RANBP2: variants seen among roughly 807,000 people sequenced by gnomAD.
The protein encoded by RANBP2 is E3 SUMO-protein ligase RanBP2.
In RANBP2, 57 loss-of-function variants were observed where a neutral mutation model predicts 303.6. The ratio of observed to expected loss-of-function variants is 0.19; its 90% CI spans 0.15 to 0.23. RANBP2 has a LOEUF of 0.23. Among genes scored for constraint, RANBP2 ranks in the 10% least tolerant of loss-of-function variants. RANBP2 has a pLI of 1.00. For synonymous variants in RANBP2, 1,167 were observed against 1,301.5 expected (o/e 0.90, Z 2.23); for missense variants, 3,138 against 3,780.8 (o/e 0.83, Z 4.46).
At chr2:108,877,613 T>C in the RANBP2 span, among the ~76,000 whole-genome samples, 371 of 152,088 alleles carry the variant, frequency 2.4e-3, 5 homozygotes, top group African/African-American at 8.6e-3. Flanking sequence ...ATAGTACTCA[T>C]GAGAGTGGAT....
the RANBP2 span, chr2:109,614,102 G>C: frequency 3.3e-6 from 4 of 1,210,336 alleles, no homozygotes; most frequent in Non-Finnish European, 4.1e-6. Context: ...CTGAGCGTCA[G>C]CGTTGGGGCG....
At chr2:108,860,402 TTG>T in the RANBP2 span, among the ~76,000 whole-genome samples, 1 of 152,234 alleles carries the variant, frequency 6.6e-6, no homozygotes, top group East Asian at 1.9e-4. Flanking sequence ...GACATACCTG[TTG>T]TGTTCCAGAT....
chr2:109,076,026 T>C, the RANBP2 span, among the ~76,000 whole-genome samples: 3 of 150,808 alleles, frequency 2.0e-5, no homozygotes, highest in African/African-American at 7.2e-5. Context: ...TGAACATAGA[T>C]GCAAAAATCC....
chr2:109,327,374 C>G, the RANBP2 span, among the ~76,000 whole-genome samples: 3 of 152,186 alleles, frequency 2.0e-5, no homozygotes, highest in Non-Finnish European at 4.4e-5. Context: ...TTCCATCGGT[C>G]TATTTGTCTA....
the RANBP2 span, among the ~76,000 whole-genome samples, chr2:109,434,381 C>T: frequency 2.0e-5 from 3 of 152,230 alleles, no homozygotes; most frequent in Admixed American, 6.5e-5. Context: ...CTGATTCTTC[C>T]TTTATCTTTA....
At chr2:108,854,706 C>G in the RANBP2 span, among the ~76,000 whole-genome samples, 1 of 152,068 alleles carries the variant, frequency 6.6e-6, no homozygotes, top group Non-Finnish European at 1.5e-5. Flanking sequence ...TGGCTGGGCT[C>G]GGCTGGGCTT....
the RANBP2 span, among the ~76,000 whole-genome samples, chr2:109,022,624 G>A: frequency 6.6e-6 from 1 of 152,174 alleles, no homozygotes; most frequent in Non-Finnish European, 1.5e-5. Flanking sequence ...AGAGGGAAGA[G>A]GGATGAGAAA....
chr2:109,191,198 C>A, the RANBP2 span, among the ~76,000 whole-genome samples: 1 of 152,084 alleles, frequency 6.6e-6, no homozygotes, highest in Non-Finnish European at 1.5e-5. Flanking sequence ...TGCAGTGATG[C>A]CACTGGGATG....
chr2:108,720,605 G>C (rs1377115441), intron 1 of RANBP2, among the ~76,000 whole-genome samples: 1 of 152,160 alleles, frequency 6.6e-6, no homozygotes, highest in Non-Finnish European at 1.5e-5. Context: ...TTATAAGCTG[G>C]GTATTTGGGG....
the RANBP2 span, among the ~76,000 whole-genome samples, chr2:109,696,238 C>T: frequency 2.6e-5 from 4 of 152,214 alleles, no homozygotes; most frequent in Non-Finnish European, 5.9e-5. Context: ...CCTGGGATTA[C>T]AGGCATGAGC....
chr2:109,362,074 TTTC>T, the RANBP2 span, among the ~76,000 whole-genome samples: 5 of 152,090 alleles, frequency 3.3e-5, no homozygotes, highest in African/African-American at 9.6e-5. Context: ...ATTTCATTGA[TTTC>T]TTCTATTTCT....
the RANBP2 span, among the ~76,000 whole-genome samples, chr2:109,508,241 C>T: frequency 1.3e-5 from 2 of 152,216 alleles, no homozygotes; most frequent in African/African-American, 4.8e-5. Flanking sequence ...GCTGCCCTCC[C>T]TGACTCAGCC....
chr2:109,425,084 G>GT, the RANBP2 span, among the ~76,000 whole-genome samples: 5 of 152,366 alleles, frequency 3.3e-5, no homozygotes, highest in South Asian at 1.0e-3. Flanking sequence ...TACGGAGAAT[G>GT]TTTGAGTGGC....
At chr2:108,977,423 C>T in the RANBP2 span, among the ~76,000 whole-genome samples, 1 of 152,212 alleles carries the variant, frequency 6.6e-6, no homozygotes, top group South Asian at 2.1e-4. Context: ...CACCCGCCAC[C>T]ATGCCTGGCT....
the RANBP2 span, among the ~76,000 whole-genome samples, chr2:109,766,029 A>G: frequency 6.7e-6 from 1 of 150,226 alleles, no homozygotes; most frequent in South Asian, 2.2e-4. Flanking sequence ...GAAAGGGCAG[A>G]AGGAGAGTGC....
the RANBP2 span, among the ~76,000 whole-genome samples, chr2:109,525,079 GTTTT>G: frequency 8.4e-6 from 1 of 119,398 alleles, no homozygotes. Context: ...CCTTACCGTT[GTTTT>G]TTTTTTTTTT....
chr2:109,188,244 A>G, the RANBP2 span, among the ~76,000 whole-genome samples: 4 of 152,178 alleles, frequency 2.6e-5, no homozygotes, highest in Non-Finnish European at 2.9e-5. Context: ...GTGCCTCTGA[A>G]AACTCCACCG....
chr2:108,930,253 AG>A, the RANBP2 span: 3 of 1,613,974 alleles, frequency 1.9e-6, no homozygotes, highest in Non-Finnish European at 2.5e-6. Context: ...CTGCCAACAA[AG>A]GGGGGTGTTG....
At chr2:109,063,562 G>A in the RANBP2 span, among the ~76,000 whole-genome samples, 2,012 of 152,174 alleles carry the variant, frequency 0.013, 51 homozygotes, top group African/African-American at 0.045. Flanking sequence ...GAACCGTCCC[G>A]GGGTTTCTTG....
Sources: allele counts gnomAD v4.1 joint callset (sites outside exome capture counted in the v4.1 genomes callset), GRCh38; gene constraint gnomAD v4.1.1; transcripts MANE v1.5; gene names NCBI Gene and HGNC (gene_info 2026-07-23, HGNC 2026-07-21).